The following SPON1 variants were observed in gnomAD, a reference collection of about 807,000 sequenced individuals.
SPON1 encodes the protein spondin 1.
A neutral mutation model predicts 111.7 loss-of-function variants in SPON1; 52 were observed. The observed-to-expected ratio is 0.47, with a 90% CI of 0.37 to 0.59. The LOEUF (loss-of-function observed/expected upper bound fraction) is 0.59. Ranked by LOEUF, SPON1 falls within the 20% of genes least tolerant of loss-of-function variation. The pLI is 0.00. For missense variants in SPON1, 957 were observed against 1,068.5 expected (o/e 0.90, Z 1.46); for synonymous variants, 410 against 395.8 (o/e 1.04, Z -0.43).
intron 6 of SPON1, among the ~76,000 whole-genome samples, chr11:14,161,019 C>CTATATATATTTATATATATCTATATATT (rs1564919894): frequency 0.024 from 1,346 of 55,330 alleles, 95 homozygotes; most frequent in South Asian, 0.048. Flanking sequence ...ATTTATATAT[C>CTATATATATTTATATATATCTATATATT]TATATATATT....
At chr11:14,155,269 A>G (rs573606275) in intron 6 of SPON1, among the ~76,000 whole-genome samples, 48 of 152,300 alleles carry the variant, frequency 3.2e-4, no homozygotes, top group African/African-American at 1.1e-3. Context: ...AATTTTCTGT[A>G]TTAGTCCATT....
At chr11:14,019,371 T>C (rs1848464891) in intron 2 of SPON1, among the ~76,000 whole-genome samples, 1 of 150,142 alleles carries the variant, frequency 6.7e-6, no homozygotes, top group Non-Finnish European at 1.5e-5. Context: ...ATATTATACG[T>C]AATTTTATAA....
intron 3 of SPON1, among the ~76,000 whole-genome samples, chr11:14,050,360 GT>G (rs1195177762): frequency 6.6e-6 from 1 of 152,158 alleles, no homozygotes; most frequent in African/African-American, 2.4e-5. Flanking sequence ...TCCATTGCCT[GT>G]TTTTGTAAAT....
rs1230045965 is a variant in SPON1 at position 14,160,681 on chromosome 11, A to ATATATATATT, written c.825+25121_825+25130dup. Among the ~76,000 whole-genome samples, 2 of 8,240 alleles carry ATATATATATT rather than the reference A, an allele frequency of 2.4e-4. 1 individual carries two copies. The highest frequency in any genetic ancestry group is 3.7e-4 in the Non-Finnish European group (2 of 5,476). The allele number at this position is 8,240 out of a possible 152,430, so 5.4% of individuals were successfully genotyped here. On this transcript the variant is annotated intron_variant, in intron 6 of 15. Coordinates refer to ENST00000576479, the MANE Select transcript of SPON1 (RefSeq NM_006108.4). ...TTTATATATATATTTACATATATTT[A>ATATATATATT]TATATATATTTATATATTTATATAT...
intron 2 of SPON1, among the ~76,000 whole-genome samples, chr11:14,002,951 G>T (rs1554912614): frequency 6.6e-6 from 1 of 152,050 alleles, no homozygotes; most frequent in African/African-American, 2.4e-5. Flanking sequence ...CGACAGCCAA[G>T]CACTTCAAGA....
intron 5 of SPON1, among the ~76,000 whole-genome samples, chr11:14,132,280 A>C (rs2133859274): frequency 6.6e-6 from 1 of 152,278 alleles, no homozygotes; most frequent in African/African-American, 2.4e-5. Context: ...TCCGTCTCAA[A>C]AAAAAAAAAA....
In SPON1 at chr11:13,996,711, G is replaced by GTGTATATATATATATA. The variant is rs535844829; in HGVS notation, c.345+13759_345+13760insGTATATATATATATAT. Among the ~76,000 whole-genome samples the GTGTATATATATATATA allele has an allele frequency of 4.0e-4, 58 of 145,210 alleles. 1 individual carries two copies. The highest frequency in any genetic ancestry group is 1.4e-3 in the African/African-American group (50 of 36,084). On this transcript the variant is annotated intron_variant, in intron 2 of 15. Transcript: ENST00000576479. Reference sequence around the variant, plus strand: ...TTATATAGAAAACACACCTATGTGTGTATATATATATATACACACACACCT... The same window carrying GTGTATATATATATATA: ...TTATATAGAAAACACACCTATGTGTGTGTATATATATATATATATATATATATATACACACACACCT...
At chr11:14,077,558 G>T (rs1186824402) in intron 4 of SPON1, among the ~76,000 whole-genome samples, 2 of 151,782 alleles carry the variant, frequency 1.3e-5, no homozygotes, top group Non-Finnish European at 2.9e-5. Context: ...TCAGCCTCCC[G>T]AGTAGTTGGG....
chr11:14,040,702 C>A (rs1456048647), intron 2 of SPON1, among the ~76,000 whole-genome samples: 2 of 150,902 alleles, frequency 1.3e-5, no homozygotes, highest in Non-Finnish European at 1.5e-5. Flanking sequence ...TAACTTAGTG[C>A]CTAGAACATA....
Position 14,259,811 on chromosome 11 carries a change from T to C in SPON1, c.1831+110T>C. On this transcript the variant is annotated intron_variant, in intron 13 of 15. Coordinates refer to ENST00000576479, the MANE Select transcript of SPON1 (RefSeq NM_006108.4). The surrounding 1 kb of genome is among the most constrained non-coding windows in gnomAD (Gnocchi z 5.0). ...GTCGGAGGCTGAGCAGAGGAAAGCA[T>C]GGCCCATGGTCCTTGCTGGGCACTG... 8.1e-7 allele frequency: 1 copy of C among 1,240,616 alleles called. No homozygotes were observed. The highest frequency in any genetic ancestry group is 1.1e-6 in the Non-Finnish European group (1 of 894,958). 76.9% of individuals were successfully genotyped at this position (1,240,616 alleles called of 1,614,324 possible).
chr11:14,214,785 A>G (rs1261367418), intron 6 of SPON1, among the ~76,000 whole-genome samples: 5 of 152,234 alleles, frequency 3.3e-5, no homozygotes, highest in East Asian at 1.9e-4. Flanking sequence ...TTAATGAAGT[A>G]AGAGTACAGT....
At chr11:14,213,792 GCA>G (rs1848600635) in intron 6 of SPON1, among the ~76,000 whole-genome samples, 1 of 152,186 alleles carries the variant, frequency 6.6e-6, no homozygotes, top group Non-Finnish European at 1.5e-5. Context: ...GGATGGATTA[GCA>G]AGGACTTCAT....
chr11:13,999,073 T>C (rs1591345743), intron 2 of SPON1, among the ~76,000 whole-genome samples: 1 of 152,160 alleles, frequency 6.6e-6, no homozygotes, highest in African/African-American at 2.4e-5. Flanking sequence ...CTTAAAGCCG[T>C]TGTGTTTGTT....
chr11:13,966,834 A>G (rs10128542), intron 1 of SPON1, among the ~76,000 whole-genome samples: 5,365 of 152,244 alleles, frequency 0.035, 315 homozygotes, highest in African/African-American at 0.12. Context: ...CAATTTCTCC[A>G]TCTGTAAAAT....
chr11:14,220,852 C>T (rs1393823905), intron 6 of SPON1, among the ~76,000 whole-genome samples: 1 of 152,036 alleles, frequency 6.6e-6, no homozygotes, highest in Non-Finnish European at 1.5e-5. Flanking sequence ...ACCACTGTTT[C>T]CAGGAAAAAT....
rs141136877 is a variant in SPON1, at chr11:14,044,769, T to C, written c.479+3115T>C. Among the ~76,000 whole-genome samples, 129 of 152,340 alleles carry C rather than the reference T, an allele frequency of 8.5e-4. No individual in the cohort carries two copies. In the Middle Eastern group the frequency reaches 0.01, roughly 12 times the overall value. On this transcript the variant is annotated intron_variant, in intron 3 of 15. Coordinates refer to ENST00000576479, the MANE Select transcript of SPON1 (RefSeq NM_006108.4). ...ATAAAAGCACATAGTTTCATTCCTG[T>C]GGGAATTTAAGGTTACACAAATGGT... is the stretch of plus-strand genomic sequence containing the variant.
chr11:13,978,097 C>T (rs1308787392), intron 1 of SPON1, among the ~76,000 whole-genome samples: 1 of 152,138 alleles, frequency 6.6e-6, no homozygotes, highest in Non-Finnish European at 1.5e-5. Flanking sequence ...GGACCCTAAG[C>T]TGATCAACTG....
intron 6 of SPON1, 103 bp from the exon 7 acceptor site, chr11:14,243,229 C>T (rs1055357144): frequency 1.8e-5 from 20 of 1,114,424 alleles, no homozygotes; most frequent in Non-Finnish European, 2.6e-5. Flanking sequence ...AAAGCCCCAA[C>T]AGCAGGTGAG....
At chr11:14,124,446 T>A (rs1847432710) in intron 5 of SPON1, among the ~76,000 whole-genome samples, 1 of 152,216 alleles carries the variant, frequency 6.6e-6, no homozygotes, top group Admixed American at 6.5e-5. Context: ...TGTTTGCCTT[T>A]ATCAAAGTTG....
Sources: gnomAD v4.1 joint callset for allele counts (sites outside exome capture counted in the v4.1 genomes callset) on GRCh38, gnomAD v4.1.1 for gene constraint, Gnocchi (gnomAD v3.1) non-coding constraint, MANE v1.5 for transcripts, NCBI Gene and HGNC (gene_info 2026-07-23, HGNC 2026-07-21) for gene names.